FLT1: variants seen among roughly 807,000 people sequenced by gnomAD.
FLT1 encodes the protein fms related receptor tyrosine kinase 1, also known as vascular endothelial growth factor receptor 1.
FLT1 carries 49 observed loss-of-function variants against 156.3 expected under a neutral mutation model. The ratio of observed to expected loss-of-function variants is 0.31; its 90% CI spans 0.25 to 0.40. FLT1 has a LOEUF of 0.40. Ranked by LOEUF, FLT1 falls within the 10% of genes least tolerant of loss-of-function variation. The pLI is 1.00. For missense variants in FLT1, 1,322 were observed against 1,637.2 expected (o/e 0.81, Z 3.32); for synonymous variants, 594 against 583.8 (o/e 1.02, Z -0.25).
At position 28,325,780 on chromosome 13, in the gene FLT1, A is replaced by C. The variant is rs895196987; in HGVS notation, c.2796+1682T>G. The stretch of plus-strand genomic sequence containing the variant: ...CAGTGAGCTGAGATCACACCACTGC[A>C]CTCCAGCCTGACTGACAGAGAGAGA... On this transcript the variant is annotated intron_variant, in intron 20 of 29. Coordinates refer to ENST00000282397, the MANE Select transcript of FLT1 (RefSeq NM_002019.4). Among the ~76,000 whole-genome samples, 23 of 129,064 alleles carry C rather than the reference A, an allele frequency of 1.8e-4. No individual in the cohort carries two copies. In the Middle Eastern group the frequency reaches 0.023, roughly 128 times the overall value. The allele number at this position is 129,064 out of a possible 152,430, so 84.7% of individuals were successfully genotyped here.
At chr13:28,387,499 A>G (rs981710609) in intron 13 of FLT1, 2 of 1,060,786 alleles carry the variant, frequency 1.9e-6, no homozygotes, top group African/African-American at 3.3e-5. Context: ...GAAAATCAGA[A>G]TTAACAGACA....
At chr13:28,465,857 C>CAAT (rs1211958080) in intron 3 of FLT1, among the ~76,000 whole-genome samples, 7 of 142,382 alleles carry the variant, frequency 4.9e-5, no homozygotes, top group African/African-American at 2.1e-4. Flanking sequence ...CAAACAACAA[C>CAAT]GAAAAAGAAC....
chr13:28,374,664 A>G (rs1287512368), intron 14 of FLT1, among the ~76,000 whole-genome samples: 1 of 151,690 alleles, frequency 6.6e-6, no homozygotes, highest in Non-Finnish European at 1.5e-5. Flanking sequence ...GGCGCCCACT[A>G]CCATGCCCAG....
At chr13:28,348,571 A>G (rs371727663) in intron 15 of FLT1, among the ~76,000 whole-genome samples, 50 of 152,216 alleles carry the variant, frequency 3.3e-4, no homozygotes, top group African/African-American at 1.1e-3. Context: ...GAATGTATAT[A>G]TATGTTTTGC....
chr13:28,361,928 C>G (rs1258595033), intron 14 of FLT1, among the ~76,000 whole-genome samples: 1 of 152,116 alleles, frequency 6.6e-6, no homozygotes, highest in Non-Finnish European at 1.5e-5. Flanking sequence ...GTGAAAGCGA[C>G]ATTTAAGGAC....
chr13:28,351,399 A>G (rs1488178024), intron 15 of FLT1, among the ~76,000 whole-genome samples: 3 of 152,204 alleles, frequency 2.0e-5, no homozygotes, highest in African/African-American at 7.2e-5. Context: ...AATTACTCAG[A>G]TGCACTTTGA....
At chr13:28,357,066 C>T (rs1274942567) in intron 15 of FLT1, among the ~76,000 whole-genome samples, 2 of 152,132 alleles carry the variant, frequency 1.3e-5, no homozygotes, top group Non-Finnish European at 2.9e-5. Context: ...ATATTACAGC[C>T]CACTTCATTT....
chr13:28,412,690 G>C (rs913097410), intron 10 of FLT1, among the ~76,000 whole-genome samples: 1 of 151,062 alleles, frequency 6.6e-6, no homozygotes, highest in Non-Finnish European at 1.5e-5. Context: ...CAAAGTGCTG[G>C]GGTTACAGGA....
Position 28,322,849 on chromosome 13 carries a change from C to A in FLT1, c.2894G>T (p.Ser965Ile), listed in dbSNP as rs866974502. 2 of 1,614,206 alleles carry A rather than the reference C, an allele frequency of 1.2e-6. No homozygotes were observed. The highest frequency in any genetic ancestry group is 2.2e-5 in the South Asian group (2 of 91,084). ...PRLDSVTSSE[S>I]FASSGFQEDK... ...TTCCTGAAAGCCGGAGCTCGCAAAG[C>A]TTTCGCTGCTGGTGACGCTATCTAG... Residue 965 changes from serine to isoleucine, a missense_variant, in exon 21 of 30, where the codon AGC (serine) becomes ATC (isoleucine). Ser to Ile is a moderately radical substitution (Grantham distance 142, BLOSUM62 -2). Around this residue, in one of 3 missense-constraint regions of FLT1, gnomAD observed 991 missense variants for 1,254.8 expected, o/e 0.79. Coordinates refer to ENST00000282397, the MANE Select transcript of FLT1 (RefSeq NM_002019.4). This position sits in a 1 kb window ranked among gnomAD's most constrained non-coding sequence, Gnocchi z 4.3.
chr13:28,390,242 G>T (rs1354527524), intron 12 of FLT1, 138 bp from the exon 13 acceptor site: 3 of 1,138,862 alleles, frequency 2.6e-6, no homozygotes, highest in African/African-American at 1.5e-5. Flanking sequence ...TGGGGTAAAT[G>T]AGCAAACACA....
chr13:28,366,659 T>C (rs1873308305), intron 14 of FLT1, among the ~76,000 whole-genome samples: 2 of 151,796 alleles, frequency 1.3e-5, no homozygotes, highest in African/African-American at 4.8e-5. Flanking sequence ...TTAGTAGTGG[T>C]GGGGTTTCAA....
chr13:28,390,060 C>T lies in FLT1; in HGVS notation c.1705G>A (p.Glu569Lys), dbSNP rs1156296747. The T allele has an allele frequency of 6.2e-7, 1 of 1,614,192 alleles. No homozygotes were observed. The highest frequency in any genetic ancestry group is 8.5e-7 in the Non-Finnish European group (1 of 1,180,020). ...FHVNLEKMPT[E>K]GEDLKLSCTV... is the part of the protein sequence containing the mutation. ...CAAGACAGTTTCAGGTCCTCTCCTT[C>T]CGTCGGCATTTTTTCCAAGTTAACA... is the stretch of plus-strand genomic sequence containing the variant. The change falls in exon 13 of 30, where the codon GAA becomes AAA. Residue 569 changes from glutamate to lysine, a missense_variant. By Grantham distance (56) the Glu-to-Lys change is moderately conservative. Around this residue, in one of 3 missense-constraint regions of FLT1, gnomAD observed 991 missense variants for 1,254.8 expected, o/e 0.79. Transcript: ENST00000282397.
chr13:28,369,262 C>T (rs1448924783), intron 14 of FLT1, among the ~76,000 whole-genome samples: 2 of 152,228 alleles, frequency 1.3e-5, no homozygotes, highest in African/African-American at 2.4e-5. Context: ...CGGTGGCTCA[C>T]GCTTATAGTT....
intron 15 of FLT1, among the ~76,000 whole-genome samples, chr13:28,353,305 G>C (rs2138867947): frequency 6.6e-6 from 1 of 152,214 alleles, no homozygotes; most frequent in South Asian, 2.1e-4. Flanking sequence ...GGGCGCGGTG[G>C]CTCATGCCTG....
intron 12 of FLT1, 89 bp downstream of exon 12, chr13:28,396,871 A>C (rs765421969): frequency 3.7e-6 from 3 of 807,656 alleles, no homozygotes; most frequent in Non-Finnish European, 6.6e-6. Context: ...AAAAAAAATC[A>C]CTCAAGCTAT....
intron 7 of FLT1, among the ~76,000 whole-genome samples, chr13:28,430,634 A>C (rs1339840753): frequency 6.6e-6 from 1 of 152,182 alleles, no homozygotes; most frequent in Non-Finnish European, 1.5e-5. Flanking sequence ...CCTTTTCAGC[A>C]ATGGAAATAA....
At chr13:28,463,692 T>C (rs1879709088) in intron 3 of FLT1, among the ~76,000 whole-genome samples, 1 of 152,146 alleles carries the variant, frequency 6.6e-6, no homozygotes, top group African/African-American at 2.4e-5. Flanking sequence ...CCAGAGACAA[T>C]GCTCTGAGTC....
At chr13:28,489,351 T>G (rs903517147) in intron 1 of FLT1, among the ~76,000 whole-genome samples, 1 of 152,202 alleles carries the variant, frequency 6.6e-6, no homozygotes, top group Non-Finnish European at 1.5e-5. Flanking sequence ...GTTCCAACAC[T>G]TACCGAGAGT....
At chr13:28,448,583 A>T (rs1164926679) in intron 3 of FLT1, among the ~76,000 whole-genome samples, 1 of 152,198 alleles carries the variant, frequency 6.6e-6, no homozygotes, top group Non-Finnish European at 1.5e-5. Context: ...AAAGTAGATA[A>T]GTGGTTGTTT....
Sources: gnomAD v4.1 joint callset for allele counts (sites outside exome capture counted in the v4.1 genomes callset) on GRCh38, gnomAD v4.1.1 for gene constraint, gnomAD v4.1.1 regional missense constraint, Gnocchi (gnomAD v3.1) non-coding constraint, MANE v1.5 for transcripts, NCBI Gene and HGNC (gene_info 2026-07-23, HGNC 2026-07-21) for gene names.